Variants in ETNPPL observed in about 807,000 individuals in gnomAD.
ETNPPL encodes ethanolamine-phosphate phospho-lyase, also known as alanine--glyoxylate aminotransferase 2-like 1.
Under a neutral mutation model 55.5 loss-of-function variants are expected in ETNPPL, and 30 were observed. The observed-to-expected ratio is 0.54, with a 90% CI of 0.40 to 0.73. The LOEUF is 0.73. ETNPPL is among the 30% of genes least tolerant of loss of function. ETNPPL has a pLI of 0.00. For missense variants in ETNPPL, 528 were observed against 607.9 expected, an observed-to-expected ratio of 0.87 and a Z score of 1.38; for synonymous variants, 202 against 207.2, an observed-to-expected ratio of 0.98 and a Z score of 0.21.
intron 11 of ETNPPL, among the ~76,000 whole-genome samples, chr4:108,744,503 A>T (rs1469718783): frequency 6.6e-6 from 1 of 151,998 alleles, no homozygotes; most frequent in Admixed American, 6.6e-5. Context: ...ATGGGATCAA[A>T]GGACACATCT....
At chr4:108,760,327 C>A in intron 1 of ETNPPL, 21 bp from the exon 2 acceptor site, 1 of 1,405,920 alleles carries the variant, frequency 7.1e-7, no homozygotes, top group Non-Finnish European at 1.0e-6. Flanking sequence ...TCAAAGGAAA[C>A]ACTTTGGTCT....
intron 4 of ETNPPL, among the ~76,000 whole-genome samples, chr4:108,755,736 G>T (rs1026592925): frequency 6.6e-6 from 1 of 152,210 alleles, no homozygotes; most frequent in Non-Finnish European, 1.5e-5. Flanking sequence ...CAGGAGAATT[G>T]CTTGAACCCA....
At chr4:108,750,107 T>C (rs1416823178) in intron 7 of ETNPPL, among the ~76,000 whole-genome samples, 2 of 152,176 alleles carry the variant, frequency 1.3e-5, no homozygotes, top group Non-Finnish European at 2.9e-5. Context: ...TTGGGAAGGC[T>C]TGTGTAATGG....
chr4:108,747,132 A>ATAT (rs1553933491), intron 9 of ETNPPL, among the ~76,000 whole-genome samples: 1 of 49,868 alleles, frequency 2.0e-5, no homozygotes, highest in Non-Finnish European at 3.1e-5. Context: ...CATTATATAT[A>ATAT]TATATATATA....
intron 1 of ETNPPL, among the ~76,000 whole-genome samples, chr4:108,761,444 A>G (rs912013146): frequency 1.6e-4 from 24 of 152,284 alleles, no homozygotes; most frequent in African/African-American, 5.3e-4. Flanking sequence ...AGAATTTCTT[A>G]TTGGTTCAAA....
chr4:108,754,037 G>A (rs1444373964), intron 5 of ETNPPL, among the ~76,000 whole-genome samples: 5 of 144,544 alleles, frequency 3.5e-5, no homozygotes, highest in East Asian at 2.1e-4. Context: ...GCAGTGGCAC[G>A]ATCTTGGCTC....
At chr4:108,755,941 G>T (rs914080518) in intron 4 of ETNPPL, among the ~76,000 whole-genome samples, 1 of 152,194 alleles carries the variant, frequency 6.6e-6, no homozygotes, top group Admixed American at 6.5e-5. Context: ...ATAATTACAG[G>T]CTAATGAAAA....
At chr4:108,756,622 A>C in intron 3 of ETNPPL, 130 bp from the exon 4 acceptor site, 1 of 670,040 alleles carries the variant, frequency 1.5e-6, no homozygotes, top group South Asian at 1.8e-5. Flanking sequence ...CGATTGCCTG[A>C]GCTCAGAAGT....
intron 1 of ETNPPL, 65 bp from the exon 2 acceptor site, chr4:108,760,371 T>C (rs946576797): frequency 3.6e-6 from 3 of 836,428 alleles, no homozygotes; most frequent in African/African-American, 1.7e-5. Context: ...TCCTTCTCAA[T>C]GAAGGTCCCC....
intron 1 of ETNPPL, among the ~76,000 whole-genome samples, chr4:108,761,746 A>G (rs867345802): frequency 6.6e-6 from 1 of 152,220 alleles, no homozygotes; most frequent in South Asian, 2.1e-4. Flanking sequence ...TTAATGGGGA[A>G]AGAACTGGAT....
At chr4:108,755,217 A>G (rs1039874155) in intron 4 of ETNPPL, among the ~76,000 whole-genome samples, 1 of 152,206 alleles carries the variant, frequency 6.6e-6, no homozygotes, top group Non-Finnish European at 1.5e-5. Context: ...AAGGAAAAGG[A>G]GATCTTTTTA....
rs1205470963 is a variant in ETNPPL, at chr4:108,747,223, A to G, written c.1083-372T>C. ...ATATATATATAATATATATATATATATTATATATATATATATAATATATAT... is the reference window on the plus strand; with the variant it reads ...ATATATATATAATATATATATATATGTTATATATATATATATAATATATAT... On this transcript the variant is annotated intron_variant, in intron 9 of 12. Coordinates refer to ENST00000296486, the MANE Select transcript of ETNPPL (RefSeq NM_031279.4). 1.2e-4 allele frequency among the ~76,000 whole-genome samples: 3 copies of G among 24,978 alleles called. 1 individual carries two copies. The Admixed American group carries it at 1.6e-3, about 13-fold the overall frequency. The allele number at this position is 24,978 out of a possible 152,430, so 16.4% of individuals were successfully genotyped here. A position where few individuals can be genotyped will look rare whatever the true frequency, so the allele number is the denominator to read the frequency against.
chr4:108,753,413 C>T (rs1389095563), intron 5 of ETNPPL, among the ~76,000 whole-genome samples: 1 of 152,136 alleles, frequency 6.6e-6, no homozygotes, highest in Non-Finnish European at 1.5e-5. Flanking sequence ...TTAGCACTCA[C>T]TCCAGATCTT....
At chr4:108,758,891 A>T (rs1324504546) in intron 3 of ETNPPL, among the ~76,000 whole-genome samples, 2 of 152,104 alleles carry the variant, frequency 1.3e-5, no homozygotes, top group Non-Finnish European at 2.9e-5. Context: ...TCTCTACTAG[A>T]ATACAAAATT....
At chr4:108,755,370 AATACC>A (rs1729148010) in intron 4 of ETNPPL, among the ~76,000 whole-genome samples, 5 of 152,218 alleles carry the variant, frequency 3.3e-5, no homozygotes, top group Admixed American at 3.3e-4. Flanking sequence ...AACCCCAGGA[AATACC>A]ATTCTGGACA....
At position 108,742,547 on chromosome 4, in the gene ETNPPL, G is replaced by T. The variant is rs1560646170; in HGVS notation, c.1437C>A (p.Ser479Arg). Residue 479 changes from serine (S) to arginine (R), a missense_variant, in exon 13 of 13, where the codon AGC (serine) becomes AGA (arginine). Transcript: ENST00000296486. ...DSTTDSKENPSRKRNGMCTDT... is the reference protein window; with the variant it reads ...DSTTDSKENPRRKRNGMCTDT... ...CCGTGCACATTCCATTTCTCTTTCT[G>T]CTGGGATTTTCTTTGGAGTCAGTGG... 6.2e-7 allele frequency: 1 copy of T among 1,614,050 alleles called. No homozygotes were observed. Among genetic ancestry groups the T allele is most frequent in the Admixed American group, 1.7e-5 (1 of 60,004 alleles).
At chr4:108,755,181 CA>C (rs1729140141) in intron 4 of ETNPPL, among the ~76,000 whole-genome samples, 1 of 152,122 alleles carries the variant, frequency 6.6e-6, no homozygotes, top group African/African-American at 2.4e-5. Flanking sequence ...TGTCCACTTG[CA>C]AATATTAGGC....
Position 108,756,491 on chromosome 4 carries a change from A to G in ETNPPL, c.337T>C (p.Ser113Pro). 6.2e-7 allele frequency: 1 copy of G among 1,612,032 alleles called. No individual in the cohort carries two copies. The highest frequency in any genetic ancestry group is 8.5e-7 in the Non-Finnish European group (1 of 1,178,102). Residue 113 changes from serine (S) to proline (P), a missense_variant and splice_region_variant, in exon 4 of 13, where the codon TCC (serine) becomes CCC (proline). By Grantham distance (74) the Ser-to-Pro change is moderately conservative. Transcript: ENST00000296486. ...CGTAAGGCTAAGTCGTTGGCTTCGG[A>G]TCTATTAAGATAACATAGAGAGAGA... ...LSVCYFTNSG[S>P]EANDLALRLA...
At chr4:108,754,894 A>T (rs904090273) in intron 4 of ETNPPL, 184 bp from the exon 5 acceptor site, 3 of 513,830 alleles carry the variant, frequency 5.8e-6, no homozygotes, top group Non-Finnish European at 1.0e-5. Flanking sequence ...TAATGTGTAC[A>T]ATTCTTCTTT....
Sources: gnomAD v4.1 joint callset for allele counts (sites outside exome capture counted in the v4.1 genomes callset) on GRCh38, gnomAD v4.1.1 for gene constraint, MANE v1.5 for transcripts, NCBI Gene and HGNC (gene_info 2026-07-23, HGNC 2026-07-21) for gene names.